PRKCB: variants seen among roughly 807,000 people sequenced by gnomAD.
PRKCB encodes protein kinase C beta.
In PRKCB, 13 loss-of-function variants were observed where a neutral mutation model predicts 81.5. The ratio of observed to expected loss-of-function variants is 0.16; its 90% CI spans 0.10 to 0.25. The LOEUF is 0.25. Among genes scored for constraint, PRKCB ranks in the 10% least tolerant of loss-of-function variants. The pLI is 1.00. For synonymous variants in PRKCB, 335 were observed against 321.4 expected (o/e 1.04, Z -0.45); for missense variants, 509 against 875.7 (o/e 0.58, Z 5.29).
intron 2 of PRKCB, among the ~76,000 whole-genome samples, chr16:23,895,787 C>G (rs1167618196): frequency 1.3e-5 from 2 of 152,178 alleles, no homozygotes; most frequent in South Asian, 2.1e-4. Context: ...AAGTGCTCAT[C>G]ATAGTGCCAG....
At chr16:24,070,345 TGCCATCTTG>T (rs59344276) in intron 5 of PRKCB, among the ~76,000 whole-genome samples, 2,485 of 152,006 alleles carry the variant, frequency 0.016, 70 homozygotes, top group African/African-American at 0.056. Context: ...GACGGATTTT[TGCCATCTTG>T]GCCAGGCTGG....
At chr16:24,045,883 C>T (rs946642509) in intron 5 of PRKCB, among the ~76,000 whole-genome samples, 3 of 152,218 alleles carry the variant, frequency 2.0e-5, no homozygotes, top group Admixed American at 6.5e-5. Context: ...TTGGCTCCTG[C>T]GCAGACCACC....
At chr16:23,869,348 C>A in intron 2 of PRKCB, 1 of 289,934 alleles carries the variant, frequency 3.4e-6, no homozygotes, top group South Asian at 3.0e-5. Context: ...TGACACGTAG[C>A]ACGAGTAAGA....
At chr16:24,069,409 C>T (rs1796266252) in intron 5 of PRKCB, among the ~76,000 whole-genome samples, 1 of 152,160 alleles carries the variant, frequency 6.6e-6, no homozygotes, top group South Asian at 2.1e-4. Flanking sequence ...AGGCTGAGCA[C>T]TGGGGACGAG....
intron 5 of PRKCB, among the ~76,000 whole-genome samples, chr16:24,092,567 G>A (rs2141900471): frequency 6.6e-6 from 1 of 152,332 alleles, no homozygotes; most frequent in Admixed American, 6.5e-5. Context: ...GGGAAGAGCA[G>A]TGTAAAAGTC....
intron 2 of PRKCB, among the ~76,000 whole-genome samples, chr16:23,977,062 T>A (rs955432516): frequency 6.6e-6 from 1 of 152,208 alleles, no homozygotes; most frequent in African/African-American, 2.4e-5. Context: ...TGTTTTTCCT[T>A]TTTAGTGCTG....
chr16:23,860,880 T>C (rs1259078910), intron 2 of PRKCB, among the ~76,000 whole-genome samples: 2 of 152,160 alleles, frequency 1.3e-5, no homozygotes, highest in Non-Finnish European at 2.9e-5. Context: ...TACTCTAGCC[T>C]AGGCAACAGA....
chr16:24,113,138 C>T (rs1484671071), intron 8 of PRKCB, 69 bp downstream of exon 8: 6 of 1,162,008 alleles, frequency 5.2e-6, no homozygotes, highest in Non-Finnish European at 7.4e-6. Flanking sequence ...CTCCTGCTCC[C>T]TCCTCTTTCT....
At chr16:23,949,264 A>C (rs1964245117) in intron 2 of PRKCB, among the ~76,000 whole-genome samples, 2 of 152,408 alleles carry the variant, frequency 1.3e-5, no homozygotes, top group Non-Finnish European at 2.9e-5. Flanking sequence ...AACGAATGAA[A>C]GAAAGGGCCA....
At chr16:23,922,956 T>G (rs1963847191) in intron 2 of PRKCB, among the ~76,000 whole-genome samples, 1 of 152,126 alleles carries the variant, frequency 6.6e-6, no homozygotes, top group South Asian at 2.1e-4. Context: ...TCTTAATAGA[T>G]CTGTCTGTTC....
At chr16:24,028,320 C>T (rs1965509137) in intron 3 of PRKCB, among the ~76,000 whole-genome samples, 1 of 152,196 alleles carries the variant, frequency 6.6e-6, no homozygotes, top group South Asian at 2.1e-4. Flanking sequence ...AACTCCTGAC[C>T]TAAGGTGATC....
intron 2 of PRKCB, among the ~76,000 whole-genome samples, chr16:23,911,659 G>A (rs937734949): frequency 6.6e-6 from 1 of 152,050 alleles, no homozygotes; most frequent in Non-Finnish European, 1.5e-5. Context: ...AATCCTGCTT[G>A]GACATGACCT....
At chr16:23,903,383 A>ATTG (rs1963513421) in intron 2 of PRKCB, among the ~76,000 whole-genome samples, 1 of 151,942 alleles carries the variant, frequency 6.6e-6, no homozygotes, top group African/African-American at 2.4e-5. Context: ...ACATCTGGGG[A>ATTG]TTGGTATTAC....
chr16:23,971,432 A>G (rs1254687104), intron 2 of PRKCB, among the ~76,000 whole-genome samples: 1 of 151,970 alleles, frequency 6.6e-6, no homozygotes, highest in African/African-American at 2.4e-5. Flanking sequence ...TGGGACCAGC[A>G]TTCTCCTGCC....
At chr16:23,901,709 T>C (rs1323710261) in intron 2 of PRKCB, among the ~76,000 whole-genome samples, 1 of 152,104 alleles carries the variant, frequency 6.6e-6, no homozygotes, top group Non-Finnish European at 1.5e-5. Flanking sequence ...ACTGTGAGGT[T>C]CTCTTCCCTG....
chr16:24,151,752 TTTCAGCA>T (rs1461845035), intron 9 of PRKCB: 10 of 454,648 alleles, frequency 2.2e-5, no homozygotes, highest in Non-Finnish European at 3.5e-5. Context: ...ACTGAAGGGC[TTTCAGCA>T]TTCAAGTGGC....
chr16:24,141,190 T>G (rs1966896842), intron 9 of PRKCB, among the ~76,000 whole-genome samples: 1 of 152,068 alleles, frequency 6.6e-6, no homozygotes. Flanking sequence ...CTTTTGTTTG[T>G]TTGTTTTTAT....
chr16:23,943,466 T>C (rs1023126490), intron 2 of PRKCB, among the ~76,000 whole-genome samples: 2 of 152,032 alleles, frequency 1.3e-5, no homozygotes, highest in African/African-American at 4.8e-5. Context: ...GAGGTGGAGG[T>C]TGCAGTGAGC....
intron 13 of PRKCB, among the ~76,000 whole-genome samples, chr16:24,184,126 T>C (rs1414772487): frequency 1.3e-5 from 2 of 152,192 alleles, no homozygotes; most frequent in African/African-American, 2.4e-5. Context: ...CAGATAAAAA[T>C]TGATTATGTT....
Sources: allele counts gnomAD v4.1 joint callset (sites outside exome capture counted in the v4.1 genomes callset), GRCh38; gene constraint gnomAD v4.1.1; transcripts MANE v1.5; gene names NCBI Gene and HGNC (gene_info 2026-07-23, HGNC 2026-07-21).